VPS26C: variants seen among roughly 807,000 people sequenced by gnomAD.
The protein encoded by VPS26C is vacuolar protein sorting-associated protein 26C.
In VPS26C, 19 loss-of-function variants were observed where a neutral mutation model predicts 30.6. The ratio of observed to expected loss-of-function variants is 0.62; its 90% CI spans 0.43 to 0.91. VPS26C has a LOEUF of 0.91. Among genes scored for constraint, VPS26C ranks in the 40% least tolerant of loss-of-function variants. The pLI, the probability that VPS26C is intolerant of heterozygous loss-of-function variation, is 0.00. For missense variants in VPS26C, 318 were observed against 385.1 expected (o/e 0.83, Z 1.46); for synonymous variants, 132 against 151.5 (o/e 0.87, Z 0.95).
rs2085990525 is a variant in VPS26C, at chr21:37,233,705, CA to C, written c.352-264del. 6.6e-6 allele frequency among the ~76,000 whole-genome samples: 1 copy of C among 152,228 alleles called. No individual in the cohort carries two copies. The highest frequency in any genetic ancestry group is 2.1e-4 in the South Asian group (1 of 4,834). On this transcript the variant is annotated intron_variant, in intron 3 of 7. Transcript: ENST00000309117. This position sits in a 1 kb window ranked among gnomAD's most constrained non-coding sequence, Gnocchi z 5.2. Reference sequence around the variant, plus strand: ...GCTGGCCTGCAGTTGGACCCACTGGCAAACAGGTGCACGGTCCCACCTGTAG... The same window carrying C: ...GCTGGCCTGCAGTTGGACCCACTGGCAACAGGTGCACGGTCCCACCTGTAG...
At position 37,227,649 on chromosome 21, in the gene VPS26C, C is replaced by T; in HGVS notation, c.811+5G>A. On this transcript the variant is annotated splice_donor_5th_base_variant and intron_variant, in intron 7 of 7. Coordinates refer to ENST00000309117, the MANE Select transcript of VPS26C (RefSeq NM_006052.2). ...CATGAGGGCTGGGAGGCGAGTGCCACTTACCCACTTTGAAGTTGGTGGTCT... is the reference window on the plus strand; with the variant it reads ...CATGAGGGCTGGGAGGCGAGTGCCATTTACCCACTTTGAAGTTGGTGGTCT... 6.2e-7 allele frequency: 1 copy of T among 1,613,544 alleles called. No individual in the cohort carries two copies. The highest frequency in any genetic ancestry group is 1.1e-5 in the South Asian group (1 of 91,072).
Position 37,267,332 on chromosome 21 carries a change from C to G in VPS26C, c.-38G>C. 6.3e-7 allele frequency: 1 copy of G among 1,597,316 alleles called. No individual in the cohort carries two copies. On this transcript the variant is annotated 5_prime_UTR_variant, in exon 1 of 8. Coordinates refer to ENST00000309117, the MANE Select transcript of VPS26C (RefSeq NM_006052.2). ...GCAGCAGCCGCCACTTCCGGCTGCGCGTGACCCCAGGGAAACAAGGGGCGC... is the reference window on the plus strand; with the variant it reads ...GCAGCAGCCGCCACTTCCGGCTGCGGGTGACCCCAGGGAAACAAGGGGCGC...
rs368874124 is a variant in VPS26C, at chr21:37,235,168, G to A, written c.352-1726C>T. Among the ~76,000 whole-genome samples, 262 of 152,168 alleles carry A rather than the reference G, an allele frequency of 1.7e-3. 2 individuals carry two copies. The highest frequency in any genetic ancestry group is 2.5e-3 in the Admixed American group (38 of 15,272). ...ATTACAGGCATCCACCACCATGCCC[G>A]GCTAATTTTTGTATTTTAGTAGAGA... is the stretch of plus-strand genomic sequence containing the variant. On this transcript the variant is annotated intron_variant, in intron 3 of 7. Transcript: ENST00000309117.
chr21:37,232,577 G>A (rs1216293041), intron 4 of VPS26C, 126 bp from the exon 5 acceptor site: 2 of 784,184 alleles, frequency 2.6e-6, no homozygotes, highest in African/African-American at 1.7e-5. Context: ...GGAACTAAGA[G>A]GCGCAAGCCT....
rs917658235 is a variant in VPS26C, at chr21:37,257,888, C to T, written c.57+9350G>A. On this transcript the variant is annotated intron_variant, in intron 1 of 7. Coordinates refer to ENST00000309117, the MANE Select transcript of VPS26C (RefSeq NM_006052.2). This position sits in a 1 kb window ranked among gnomAD's most constrained non-coding sequence, Gnocchi z 4.2. ...TGCTGCCTCCGGGTGGGGCACCAAG[C>T]GGGGAGCGGGGCCACGAGGCAGGGG... 2.0e-5 allele frequency among the ~76,000 whole-genome samples: 3 copies of T among 152,158 alleles called. No homozygotes were observed. The highest frequency in any genetic ancestry group is 2.9e-5 in the Non-Finnish European group (2 of 68,044).
At chr21:37,264,165 G>A (rs531166373) in intron 1 of VPS26C, among the ~76,000 whole-genome samples, 6 of 152,108 alleles carry the variant, frequency 3.9e-5, no homozygotes, top group South Asian at 4.1e-4. Context: ...CTTTTCTGTC[G>A]CCTTTTAAAA....
At chr21:37,243,767 A>G (rs1206143128) in intron 1 of VPS26C, among the ~76,000 whole-genome samples, 1 of 152,146 alleles carries the variant, frequency 6.6e-6, no homozygotes, top group East Asian at 1.9e-4. Flanking sequence ...ATGGAGAGCC[A>G]ATCGCCCATC....
chr21:37,250,449 G>A (rs2148300178), intron 1 of VPS26C, among the ~76,000 whole-genome samples: 1 of 152,232 alleles, frequency 6.6e-6, no homozygotes, highest in African/African-American at 2.4e-5. Context: ...AGTGGGAAAG[G>A]CCTTTCTATG....
intron 1 of VPS26C, among the ~76,000 whole-genome samples, chr21:37,247,870 T>TATA (rs2086152775): frequency 6.6e-6 from 1 of 152,098 alleles, no homozygotes; most frequent in African/African-American, 2.4e-5. Flanking sequence ...AAGGAGCAAC[T>TATA]CACAATAAAG....
rs1224973729 is a variant in VPS26C at position 37,257,641 on chromosome 21, C to G, written c.57+9597G>C. On this transcript the variant is annotated intron_variant, in intron 1 of 7. Coordinates refer to ENST00000309117, the MANE Select transcript of VPS26C (RefSeq NM_006052.2). This position sits in a 1 kb window ranked among gnomAD's most constrained non-coding sequence, Gnocchi z 4.2. The stretch of plus-strand genomic sequence containing the variant: ...GTGTGGTTGAAATGAAAGCAGAAAG[C>G]AAATGGCAAGCTGGCTTCCCCTTCC... Among the ~76,000 whole-genome samples the G allele has an allele frequency of 6.6e-6, 1 of 152,120 alleles. No individual in the cohort carries two copies. The highest frequency in any genetic ancestry group is 1.5e-5 in the Non-Finnish European group (1 of 68,044).
At chr21:37,265,795 G>T (rs193098668) in intron 1 of VPS26C, among the ~76,000 whole-genome samples, 1 of 152,036 alleles carries the variant, frequency 6.6e-6, no homozygotes, top group Non-Finnish European at 1.5e-5. Context: ...ATCATGCCAA[G>T]GGGTACCGAA....
chr21:37,233,285 C>A lies in VPS26C; in HGVS notation c.432+77G>T. The A allele has an allele frequency of 3.1e-6, 4 of 1,292,050 alleles. No individual in the cohort carries two copies. The South Asian group carries it at 4.8e-5, about 15-fold the overall frequency. The allele number at this position is 1,292,050 out of a possible 1,614,324, so 80.0% of individuals were successfully genotyped here. A position where few individuals can be genotyped will look rare whatever the true frequency, so the allele number is the denominator to read the frequency against. ...AAACAGTAAGAGGCTAAATGGTGAG[C>A]TTGTAAATAGGGTAAACTCTCAGAC... On this transcript the variant is annotated intron_variant, in intron 4 of 7. Coordinates refer to ENST00000309117, the MANE Select transcript of VPS26C (RefSeq NM_006052.2). This position sits in a 1 kb window ranked among gnomAD's most constrained non-coding sequence, Gnocchi z 5.2.
rs545328326 is a variant in VPS26C at position 37,257,448 on chromosome 21, G to C, written c.57+9790C>G. Among the ~76,000 whole-genome samples, 26 of 152,236 alleles carry C rather than the reference G, an allele frequency of 1.7e-4. No individual in the cohort carries two copies. The highest frequency in any genetic ancestry group is 5.2e-4 in the Admixed American group (8 of 15,284). ...CGCAGGTCAGCCCACCTAGCCGATGGCTAACAAGTCAGTTTGTTTTCTGAA... is the reference window on the plus strand; with the variant it reads ...CGCAGGTCAGCCCACCTAGCCGATGCCTAACAAGTCAGTTTGTTTTCTGAA... On this transcript the variant is annotated intron_variant, in intron 1 of 7. Coordinates refer to ENST00000309117, the MANE Select transcript of VPS26C (RefSeq NM_006052.2). The surrounding 1 kb of genome is among the most constrained non-coding windows in gnomAD (Gnocchi z 4.2).
intron 1 of VPS26C, 24 bp downstream of exon 1, chr21:37,267,214 T>TAC: frequency 1.5e-5 from 7 of 457,084 alleles, no homozygotes; most frequent in Non-Finnish European, 2.5e-5. Flanking sequence ...CCCACCTCCA[T>TAC]CCCCACCCCC....
At chr21:37,266,383 C>T (rs2086361916) in intron 1 of VPS26C, among the ~76,000 whole-genome samples, 1 of 152,162 alleles carries the variant, frequency 6.6e-6, no homozygotes, top group African/African-American at 2.4e-5. Flanking sequence ...TATGACCAAC[C>T]ACTGCGATCA....
Position 37,228,210 on chromosome 21 carries a change from G to C in VPS26C, c.658+13C>G. 1.2e-6 allele frequency: 2 copies of C among 1,607,958 alleles called. No individual in the cohort carries two copies. The highest frequency in any genetic ancestry group is 1.7e-6 in the Non-Finnish European group (2 of 1,179,578). ...GGACAGGCAAGCGCCAGGCCTGGTG[G>C]CACGGCCCTCACCGCACGTCTCCAC... On this transcript the variant is annotated intron_variant, in intron 6 of 7. Transcript: ENST00000309117.
chr21:37,263,047 G>A (rs2148312454), intron 1 of VPS26C, among the ~76,000 whole-genome samples: 1 of 152,072 alleles, frequency 6.6e-6, no homozygotes, highest in East Asian at 1.9e-4. Context: ...TTACAGGTGT[G>A]AGTCACCGCA....
At position 37,233,748 on chromosome 21, in the gene VPS26C, G is replaced by A. The variant is rs930626847; in HGVS notation, c.352-306C>T. Among the ~76,000 whole-genome samples, 3 of 152,202 alleles carry A rather than the reference G, an allele frequency of 2.0e-5. No individual in the cohort carries two copies. The highest frequency in any genetic ancestry group is 2.9e-5 in the Non-Finnish European group (2 of 68,040). ...CACCTGTAGCAGGGAGCAGGCTGGC[G>A]AGACAGAAAGGGCAGTGCGCTCAGG... On this transcript the variant is annotated intron_variant, in intron 3 of 7. Coordinates refer to ENST00000309117, the MANE Select transcript of VPS26C (RefSeq NM_006052.2). The surrounding 1 kb of genome is among the most constrained non-coding windows in gnomAD (Gnocchi z 5.2).
chr21:37,225,721 G>A (rs74762361), intron 7 of VPS26C, 95 bp from the exon 8 acceptor site: 20,271 of 1,049,062 alleles, frequency 0.019, 1,183 homozygotes, highest in Admixed American at 0.15. Flanking sequence ...CTCTAACGGC[G>A]AAGGAGCACC....
Sources: allele counts gnomAD v4.1 joint callset (sites outside exome capture counted in the v4.1 genomes callset), GRCh38; gene constraint gnomAD v4.1.1; non-coding constraint Gnocchi (gnomAD v3.1); transcripts MANE v1.5; gene names NCBI Gene and HGNC (gene_info 2026-07-23, HGNC 2026-07-21).